TULP4: variants seen among roughly 807,000 people sequenced by gnomAD.
TULP4 encodes TUB like protein 4.
In TULP4, 16 loss-of-function variants were observed where a neutral mutation model predicts 129.0. That is an observed-to-expected ratio of 0.12 (90% CI 0.08 to 0.19). The LOEUF is 0.19. TULP4 is among the 10% of genes least tolerant of loss of function. The pLI is 1.00. For synonymous variants in TULP4, 998 were observed against 854.0 expected (o/e 1.17, Z -2.94); for missense variants, 1,842 against 2,059.1 (o/e 0.89, Z 2.04).
intron 1 of TULP4, among the ~76,000 whole-genome samples, chr6:158,330,138 C>CT (rs10712312): frequency 1.3e-5 from 2 of 152,066 alleles, no homozygotes; most frequent in Non-Finnish European, 2.9e-5. Flanking sequence ...AACCGATACT[C>CT]TTTTTTTTAT....
intron 1 of TULP4, among the ~76,000 whole-genome samples, chr6:158,252,406 C>T (rs1276538812): frequency 1.3e-5 from 2 of 150,256 alleles, no homozygotes; most frequent in East Asian, 2.0e-4. Context: ...GGTGGAGTCT[C>T]GCTCTGTCAC....
At chr6:158,446,337 G>A (rs1402973903) in intron 3 of TULP4, among the ~76,000 whole-genome samples, 1 of 151,970 alleles carries the variant, frequency 6.6e-6, no homozygotes, top group Non-Finnish European at 1.5e-5. Flanking sequence ...TAGTGTTTTT[G>A]TCTTCCTATG....
chr6:158,266,977 C>T (rs1778458811), intron 1 of TULP4, among the ~76,000 whole-genome samples: 1 of 152,218 alleles, frequency 6.6e-6, no homozygotes, highest in African/African-American at 2.4e-5. Flanking sequence ...TTACCCCTTC[C>T]CCAGCCTCTG....
intron 5 of TULP4, among the ~76,000 whole-genome samples, chr6:158,459,211 A>G (rs972778067): frequency 6.6e-6 from 1 of 152,188 alleles, no homozygotes; most frequent in Non-Finnish European, 1.5e-5. Flanking sequence ...CGGGTGGATC[A>G]CATGAGGTCG....
chr6:158,258,204 C>T (rs17492492), intron 1 of TULP4, among the ~76,000 whole-genome samples: 50,038 of 152,164 alleles, frequency 0.33, 9,226 homozygotes, highest in Admixed American at 0.45. Context: ...GAATCCAGGT[C>T]AGGAGCCAGG....
At chr6:158,269,899 T>C (rs777919061) in intron 1 of TULP4, among the ~76,000 whole-genome samples, 2 of 152,262 alleles carry the variant, frequency 1.3e-5, no homozygotes, top group Non-Finnish European at 2.9e-5. Context: ...CTGCTGTCAC[T>C]GTTCTGCCTT....
At chr6:158,352,518 TC>T (rs1274350031) in intron 1 of TULP4, among the ~76,000 whole-genome samples, 1 of 152,196 alleles carries the variant, frequency 6.6e-6, no homozygotes, top group Non-Finnish European at 1.5e-5. Context: ...TGCGTCAGCC[TC>T]CCGAGTACCT....
chr6:158,363,547 G>T lies in TULP4; in HGVS notation c.252+49279G>T, dbSNP rs534021138. On this transcript the variant is annotated intron_variant, in intron 1 of 13. Coordinates refer to ENST00000367097, the MANE Select transcript of TULP4 (RefSeq NM_020245.5). Reference sequence around the variant, plus strand: ...CGCCCAGGCTGGAGTGCAGTGGCACGATCTTGGCTCACTGCAACCTCTGCC... The same window carrying T: ...CGCCCAGGCTGGAGTGCAGTGGCACTATCTTGGCTCACTGCAACCTCTGCC... 1.7e-3 allele frequency among the ~76,000 whole-genome samples: 261 copies of T among 152,290 alleles called. 1 individual carries two copies. The highest frequency in any genetic ancestry group is 5.7e-3 in the African/African-American group (238 of 41,560).
intron 1 of TULP4, among the ~76,000 whole-genome samples, chr6:158,324,718 C>T (rs976094223): frequency 1.3e-5 from 2 of 152,160 alleles, no homozygotes; most frequent in African/African-American, 4.8e-5. Flanking sequence ...CATCTCTCTA[C>T]AGCTTTGTAT....
At chr6:158,275,967 G>T (rs1206911751) in intron 1 of TULP4, among the ~76,000 whole-genome samples, 2 of 152,076 alleles carry the variant, frequency 1.3e-5, no homozygotes, top group Non-Finnish European at 2.9e-5. Context: ...AAACTAGGGA[G>T]ACTTTTTCTT....
At chr6:158,274,645 C>T (rs1353726594) in intron 1 of TULP4, among the ~76,000 whole-genome samples, 4 of 152,196 alleles carry the variant, frequency 2.6e-5, no homozygotes, top group African/African-American at 9.6e-5. Context: ...GGTGTGGTGG[C>T]GGGCGCCTGT....
intron 2 of TULP4, among the ~76,000 whole-genome samples, chr6:158,416,387 T>A (rs564587291): frequency 1.1e-4 from 17 of 152,276 alleles, no homozygotes; most frequent in Admixed American, 9.8e-4. Flanking sequence ...GACAGTGATA[T>A]GAATGATCCT....
chr6:158,466,685 GCT>G (rs1377981504), intron 6 of TULP4, among the ~76,000 whole-genome samples: 2 of 152,220 alleles, frequency 1.3e-5, no homozygotes, highest in East Asian at 3.8e-4. Context: ...CTGGCACTGA[GCT>G]CTGAGTGCTT....
At chr6:158,297,318 C>A (rs1251746206) in intron 1 of TULP4, among the ~76,000 whole-genome samples, 1 of 152,146 alleles carries the variant, frequency 6.6e-6, no homozygotes, top group Non-Finnish European at 1.5e-5. Context: ...GGTTGTCTTG[C>A]ATTGTTCCCT....
In TULP4 at chr6:158,461,955, TA is replaced by T. The variant is rs537085592; in HGVS notation, c.1026+227del. On this transcript the variant is annotated intron_variant, in intron 6 of 13. Coordinates refer to ENST00000367097, the MANE Select transcript of TULP4 (RefSeq NM_020245.5). ...TGAATAAGCAGAGTAAGCTGGTGTT[TA>T]TCATCAGTCTGAAGCAGAAATCAGA... Among the ~76,000 whole-genome samples the T allele has an allele frequency of 5.3e-5, 8 of 152,296 alleles. No homozygotes were observed. The South Asian group carries it at 1.7e-3, about 32-fold the overall frequency.
At chr6:158,390,108 A>G (rs971644664) in intron 1 of TULP4, among the ~76,000 whole-genome samples, 3 of 152,256 alleles carry the variant, frequency 2.0e-5, no homozygotes, top group African/African-American at 7.2e-5. Context: ...TAAGTCATTT[A>G]TGTGCACAGT....
chr6:158,253,258 A>G (rs1324236391), intron 1 of TULP4, among the ~76,000 whole-genome samples: 3 of 152,210 alleles, frequency 2.0e-5, no homozygotes, highest in African/African-American at 4.8e-5. Context: ...ATGTATTCCT[A>G]TACATCACCC....
At chr6:158,298,462 C>T (rs926859950) in intron 1 of TULP4, among the ~76,000 whole-genome samples, 4 of 152,146 alleles carry the variant, frequency 2.6e-5, no homozygotes, top group Non-Finnish European at 4.4e-5. Flanking sequence ...CCTGACTTCC[C>T]GCAACATCTC....
At chr6:158,309,055 G>T (rs1263624018), upstream of TULP4, among the ~76,000 whole-genome samples, 3 of 137,322 alleles carry the variant, frequency 2.2e-5, no homozygotes, top group East Asian at 2.3e-4. Context: ...CCTCCCGGAC[G>T]GGGTGGCTGC....
Sources: allele counts gnomAD v4.1 joint callset (sites outside exome capture counted in the v4.1 genomes callset), GRCh38; gene constraint gnomAD v4.1.1; transcripts MANE v1.5; gene names NCBI Gene and HGNC (gene_info 2026-07-23, HGNC 2026-07-21).